Variants in SNX3 observed in about 807,000 individuals in gnomAD.
The protein encoded by SNX3 is sorting nexin-3.
SNX3 carries 5 observed loss-of-function variants against 17.7 expected under a neutral mutation model. That is an observed-to-expected ratio of 0.28 (90% CI 0.15 to 0.59). SNX3 has a LOEUF of 0.59. Ranked by LOEUF, SNX3 falls within the 20% of genes least tolerant of loss-of-function variation. The probability of loss-of-function intolerance (pLI) is 0.88; values close to 1 mark genes in which losing one functional copy is unlikely to be tolerated. For missense variants in SNX3, 132 were observed against 206.8 expected (o/e 0.64, Z 2.22); for synonymous variants, 91 against 76.5 (o/e 1.19, Z -0.99).
chr6:108,223,616 G>GCCTC (rs1159121106), intron 1 of SNX3, among the ~76,000 whole-genome samples: 1 of 144,894 alleles, frequency 6.9e-6, no homozygotes, highest in Non-Finnish European at 1.5e-5. Flanking sequence ...TCCTGCCTCA[G>GCCTC]CCTCCCAAGT....
At chr6:108,218,498 A>T (rs985108117) in intron 2 of SNX3, among the ~76,000 whole-genome samples, 2 of 152,200 alleles carry the variant, frequency 1.3e-5, no homozygotes, top group Non-Finnish European at 2.9e-5. Flanking sequence ...AAGAGTTATG[A>T]CCCAGCAATG....
intron 1 of SNX3, among the ~76,000 whole-genome samples, chr6:108,239,910 C>T (rs1775466166): frequency 6.6e-6 from 1 of 152,054 alleles, no homozygotes; most frequent in Admixed American, 6.6e-5. Context: ...TTCTGAGCAC[C>T]TATAAATTAA....
chr6:108,213,874 C>T (rs1385339132), intron 3 of SNX3, among the ~76,000 whole-genome samples: 2 of 152,110 alleles, frequency 1.3e-5, no homozygotes, highest in East Asian at 3.8e-4. Flanking sequence ...AGTTTAAGGC[C>T]AATGCACAAT....
chr6:108,214,509 C>T lies in SNX3; in HGVS notation c.372G>A (p.Gln124=), dbSNP rs1402279568. The T allele has an allele frequency of 6.2e-7, 1 of 1,613,386 alleles. No individual in the cohort carries two copies. Among genetic ancestry groups the T allele is most frequent in the Non-Finnish European group, 8.5e-7 (1 of 1,179,790 alleles). Residue 124 remains glutamine (Q), a synonymous_variant, in exon 3 of 4, where the codon CAG becomes CAA. Coordinates refer to ENST00000230085, the MANE Select transcript of SNX3 (RefSeq NM_003795.6). ...TAGGAAGCACTTACTTGTTTATAAA[C>T]TGCTCCAGCCCTTGTTTTCTTTCCT... ...FIEERKQGLE[Q]FINKVAGHPL...
intron 1 of SNX3, among the ~76,000 whole-genome samples, chr6:108,226,819 T>C (rs1277636865): frequency 6.6e-6 from 1 of 152,190 alleles, no homozygotes; most frequent in African/African-American, 2.4e-5. Context: ...GCTCAGAATT[T>C]TCAACAGATG....
At chr6:108,250,739 G>T (rs1290989884) in intron 1 of SNX3, among the ~76,000 whole-genome samples, 1 of 152,138 alleles carries the variant, frequency 6.6e-6, no homozygotes, top group Non-Finnish European at 1.5e-5. Context: ...ACAAGGGCAG[G>T]ACTAGAAAAA....
At chr6:108,216,119 C>G (rs529648455) in intron 2 of SNX3, among the ~76,000 whole-genome samples, 1 of 152,070 alleles carries the variant, frequency 6.6e-6, no homozygotes, top group Admixed American at 6.6e-5. Flanking sequence ...CTCTGTCACC[C>G]AGGCTGGAGT....
rs369734784 is a variant in SNX3, at chr6:108,240,914, G to A, written c.163-17869C>T. 2.5e-4 allele frequency among the ~76,000 whole-genome samples: 38 copies of A among 152,012 alleles called. No homozygotes were observed. The East Asian group carries it at 6.2e-3, about 25-fold the overall frequency. ...TCCTAGCACTTTGGGAGGCTGAGGC[G>A]GGTGGATCACGAGGTCAGGAGTTCG... On this transcript the variant is annotated intron_variant, in intron 1 of 3. Transcript: ENST00000230085.
intron 1 of SNX3, among the ~76,000 whole-genome samples, chr6:108,246,177 C>A (rs569817829): frequency 2.9e-4 from 44 of 152,052 alleles, no homozygotes; most frequent in Non-Finnish European, 5.4e-4. Flanking sequence ...GTTTTCCCAG[C>A]ACCATTTATT....
intron 2 of SNX3, among the ~76,000 whole-genome samples, chr6:108,220,339 G>GT (rs1774721154): frequency 6.6e-6 from 1 of 151,426 alleles, no homozygotes; most frequent in African/African-American, 2.4e-5. Flanking sequence ...CTATACAGGT[G>GT]TACTATTTAA....
intron 2 of SNX3, among the ~76,000 whole-genome samples, chr6:108,218,987 A>C (rs1299922120): frequency 6.6e-6 from 1 of 152,178 alleles, no homozygotes; most frequent in Non-Finnish European, 1.5e-5. Context: ...CATATTAAAA[A>C]CCAGTGAATT....
At chr6:108,253,057 G>A (rs1390331828) in intron 1 of SNX3, among the ~76,000 whole-genome samples, 3 of 152,194 alleles carry the variant, frequency 2.0e-5, no homozygotes, top group Non-Finnish European at 2.9e-5. Context: ...GCATAACATG[G>A]TACAAACATC....
In SNX3 at chr6:108,211,584, T is replaced by C. The variant is rs1434271506; in HGVS notation, c.*565A>G. The C allele has an allele frequency of 6.6e-6, 1 of 152,670 alleles. No individual in the cohort carries two copies. Among genetic ancestry groups the C allele is most frequent in the Non-Finnish European group, 1.5e-5 (1 of 68,052 alleles). 9.5% of individuals were successfully genotyped at this position (152,670 alleles called of 1,614,324 possible). A position where few individuals can be genotyped will look rare whatever the true frequency, so the allele number is the denominator to read the frequency against. On this transcript the variant is annotated 3_prime_UTR_variant, in exon 4 of 4. Transcript: ENST00000230085. ...TTTTTAGACAAATGATTTTAGTATA[T>C]AAATTTGCTTTTGTTTTTATACAGA...
intron 1 of SNX3, among the ~76,000 whole-genome samples, chr6:108,255,449 C>G (rs886427308): frequency 6.6e-6 from 1 of 152,026 alleles, no homozygotes; most frequent in African/African-American, 2.4e-5. Flanking sequence ...TCCTCCTGGG[C>G]TCAAGAAATC....
chr6:108,219,886 T>G (rs902094945), intron 2 of SNX3, among the ~76,000 whole-genome samples: 4 of 152,132 alleles, frequency 2.6e-5, no homozygotes, highest in Non-Finnish European at 5.9e-5. Flanking sequence ...ATAATAACTG[T>G]GGTGCCTTAA....
At position 108,260,912 on chromosome 6, in the gene SNX3, T is replaced by A; in HGVS notation, c.10A>T (p.Thr4Ser). The A allele has an allele frequency of 6.3e-7, 1 of 1,595,550 alleles. No individual in the cohort carries two copies. Among genetic ancestry groups the A allele is most frequent in the Non-Finnish European group, 8.5e-7 (1 of 1,170,830 alleles). MAE[T>S]VADTRRLITK... ...ATCAGCCGCCGGGTGTCAGCCACGG[T>A]CTCCGCCATTTCGCTGTAGCTGCTG... is the stretch of plus-strand genomic sequence containing the variant. Residue 4 changes from threonine (T) to serine (S), a missense_variant, in exon 1 of 4, where the codon ACC becomes TCC. Thr to Ser is a moderately conservative substitution (Grantham distance 58, BLOSUM62 1). Coordinates refer to ENST00000230085, the MANE Select transcript of SNX3 (RefSeq NM_003795.6).
At chr6:108,231,262 T>C (rs958700823) in intron 1 of SNX3, among the ~76,000 whole-genome samples, 1 of 152,154 alleles carries the variant, frequency 6.6e-6, no homozygotes, top group South Asian at 2.1e-4. Context: ...ATTTTTTGTA[T>C]CTTTAGTAGA....
At chr6:108,236,893 C>T (rs76470051) in intron 1 of SNX3, among the ~76,000 whole-genome samples, 7,063 of 152,228 alleles carry the variant, frequency 0.046, 269 homozygotes, top group South Asian at 0.18. Flanking sequence ...ACTATACACA[C>T]GCATATGCTT....
chr6:108,260,804 C>T lies in SNX3; in HGVS notation c.118G>A (p.Gly40Arg). The T allele has an allele frequency of 6.2e-7, 1 of 1,613,924 alleles. No homozygotes were observed. The change falls in exon 1 of 4, where the codon GGG becomes AGG. Residue 40 changes from glycine (G) to arginine (R), a missense_variant. This residue lies in a region of SNX3 where 78 missense variants were observed against 88.8 expected (regional missense o/e 0.88). Coordinates refer to ENST00000230085, the MANE Select transcript of SNX3 (RefSeq NM_003795.6). ...GTGGTGAAGCGGCCCCGGCCGACCC[C>T]CACCGTTTGCGGGTTGCTCACATCG... is the stretch of plus-strand genomic sequence containing the variant. ...EIDVSNPQTV[G>R]VGRGRFTTYE... is the part of the protein sequence containing the mutation.
Sources: gnomAD v4.1 joint callset for allele counts (sites outside exome capture counted in the v4.1 genomes callset) on GRCh38, gnomAD v4.1.1 for gene constraint, gnomAD v4.1.1 regional missense constraint, MANE v1.5 for transcripts, NCBI Gene and HGNC (gene_info 2026-07-23, HGNC 2026-07-21) for gene names.